CFAP54: variants seen among roughly 807,000 people sequenced by gnomAD.
CFAP54 encodes cilia- and flagella-associated protein 54.
In CFAP54, 290 loss-of-function variants were observed where a neutral mutation model predicts 370.4. The ratio of observed to expected loss-of-function variants is 0.78; its 90% CI spans 0.71 to 0.86. The LOEUF (loss-of-function observed/expected upper bound fraction) is 0.86. Among genes scored for constraint, CFAP54 ranks in the 40% least tolerant of loss-of-function variants. The pLI is 0.00. For synonymous variants in CFAP54, 1,206 were observed against 1,236.5 expected, an observed-to-expected ratio of 0.98 and a Z score of 0.52; for missense variants, 3,399 against 3,528.7, an observed-to-expected ratio of 0.96 and a Z score of 0.93.
chr12:96,571,272 G>A (rs1056287675), intron 19 of CFAP54, among the ~76,000 whole-genome samples: 3 of 152,146 alleles, frequency 2.0e-5, no homozygotes, highest in African/African-American at 4.8e-5. Flanking sequence ...GAAACTATAC[G>A]CAGAGAAATT....
chr12:96,702,982 TA>T (rs915909763), intron 46 of CFAP54, among the ~76,000 whole-genome samples: 4 of 152,200 alleles, frequency 2.6e-5, no homozygotes, highest in Non-Finnish European at 4.4e-5. Flanking sequence ...GTCCCATTAT[TA>T]AACTCTCTTT....
intron 63 of CFAP54, among the ~76,000 whole-genome samples, chr12:96,792,980 T>C (rs963165158): frequency 2.6e-5 from 4 of 152,166 alleles, no homozygotes; most frequent in African/African-American, 9.6e-5. Flanking sequence ...TTGCTATTAT[T>C]TGTATTAAAT....
rs573950206 is a variant in CFAP54, at chr12:96,579,368, A to G, written c.2797-1229A>G. On this transcript the variant is annotated intron_variant, in intron 20 of 67. Transcript: ENST00000524981. ...AGAAATTCTAATTCATTGAAGCTAG[A>G]CAGGCTTGGGTATCTGTAATTTACA... is the stretch of plus-strand genomic sequence containing the variant. Among the ~76,000 whole-genome samples the G allele has an allele frequency of 5.3e-4, 80 of 152,310 alleles. 1 individual carries two copies. Among genetic ancestry groups the G allele is most frequent in the African/African-American group, 1.8e-3 (76 of 41,572 alleles).
At chr12:96,828,773 T>A (rs1959156262) in intron 65 of CFAP54, among the ~76,000 whole-genome samples, 2 of 152,202 alleles carry the variant, frequency 1.3e-5, no homozygotes, top group Non-Finnish European at 1.5e-5. Context: ...AGAAAAGTAA[T>A]TTTTCAAAAT....
intron 6 of CFAP54, among the ~76,000 whole-genome samples, chr12:96,521,531 TGTGTGTGTGTGTGTGTGC>T (rs1477416401): frequency 4.0e-5 from 5 of 125,368 alleles, no homozygotes; most frequent in East Asian, 2.5e-4. Context: ...TGTGTGTGTG[TGTGTGTGTGTGTGTGTGC>T]GCGTGCGCAC....
chr12:96,718,804 C>T (rs894213369), intron 49 of CFAP54, among the ~76,000 whole-genome samples: 18 of 152,108 alleles, frequency 1.2e-4, no homozygotes, highest in African/African-American at 3.6e-4. Flanking sequence ...TTTGGGAGGC[C>T]GAGGTGGGCG....
At chr12:96,680,297 C>A (rs1280683711) in intron 40 of CFAP54, among the ~76,000 whole-genome samples, 1 of 152,134 alleles carries the variant, frequency 6.6e-6, no homozygotes, top group Non-Finnish European at 1.5e-5. Flanking sequence ...CTTGTAACAT[C>A]TATCTGCTTG....
intron 50 of CFAP54, 122 bp from the exon 51 acceptor site, chr12:96,739,834 A>T: frequency 3.4e-6 from 2 of 593,374 alleles, no homozygotes; most frequent in Non-Finnish European, 5.8e-6. Flanking sequence ...ATGGCACCTA[A>T]CAGTTTTGGG....
In CFAP54 at chr12:96,786,686, C is replaced by T. The variant is rs758838474; in HGVS notation, c.8467C>T (p.Pro2823Ser). The change falls in exon 62 of 68, where the codon CCA becomes TCA. Residue 2823 changes from proline to serine, a missense_variant. This residue lies in a region of CFAP54 where 2,796 missense variants were observed against 2,869.7 expected (regional missense o/e 0.97). Coordinates refer to ENST00000524981, the MANE Select transcript of CFAP54 (RefSeq NM_001306084.2). ...TTTTCTTTCTTAAGCATCTGCAACA[C>T]CAGTATCTGGAATTTCTTTGCCAGA... ...NLSKLLASAT[P>S]VSGISLPDDT... 1 of 1,531,138 alleles carries T rather than the reference C, an allele frequency of 6.5e-7. No individual in the cohort carries two copies. The highest frequency in any genetic ancestry group is 1.2e-5 in the South Asian group (1 of 83,188). 94.8% of individuals were successfully genotyped at this position (1,531,138 alleles called of 1,614,324 possible).
rs530493437 is a variant in CFAP54 at position 96,873,983 on chromosome 12, CTT to C, written c.*15-1132_*15-1131del. Among the ~76,000 whole-genome samples the C allele has an allele frequency of 1.9e-4, 29 of 152,258 alleles. 1 individual carries two copies. In the South Asian group the frequency reaches 5.8e-3, roughly 31 times the overall value. The stretch of plus-strand genomic sequence containing the variant: ...TTTGGTTCTCCGTAGCATATGTTCT[CTT>C]TTGTCTTCTCCATACTCTCACTCAA... On this transcript the variant is annotated intron_variant, in intron 67 of 67. Coordinates refer to ENST00000524981, the MANE Select transcript of CFAP54 (RefSeq NM_001306084.2).
chr12:96,547,510 A>G (rs1955653010), intron 14 of CFAP54, among the ~76,000 whole-genome samples: 1 of 152,162 alleles, frequency 6.6e-6, no homozygotes, highest in Non-Finnish European at 1.5e-5. Context: ...AATGGACCTT[A>G]TAGAATATAG....
intron 63 of CFAP54, among the ~76,000 whole-genome samples, chr12:96,803,701 A>C (rs1327183052): frequency 6.6e-6 from 1 of 152,168 alleles, no homozygotes; most frequent in Non-Finnish European, 1.5e-5. Context: ...AAAATAGCCT[A>C]CTCAACCAAC....
In CFAP54 at chr12:96,821,579, A is replaced by G. The variant is rs140627777; in HGVS notation, c.9096+3666A>G. ...TATATATGGAAGAATATCACCAGAC[A>G]GAAGGAACACTAATATTCGTTTAGG... On this transcript the variant is annotated intron_variant, in intron 65 of 67. Transcript: ENST00000524981. Among the ~76,000 whole-genome samples, 542 of 152,310 alleles carry G rather than the reference A, an allele frequency of 3.6e-3. 4 individuals are homozygous for G. Among genetic ancestry groups the G allele is most frequent in the African/African-American group, 0.012 (512 of 41,578 alleles).
chr12:96,633,269 A>T, intron 32 of CFAP54, among the ~76,000 whole-genome samples: 1 of 152,230 alleles, frequency 6.6e-6, no homozygotes, highest in East Asian at 1.9e-4. Context: ...TTGTTGTAAC[A>T]TGCATATTTA....
At chr12:96,805,151 C>T (rs1401466822) in intron 63 of CFAP54, among the ~76,000 whole-genome samples, 3 of 151,432 alleles carry the variant, frequency 2.0e-5, no homozygotes. Context: ...AACAAGAAAA[C>T]CTAAAAAATT....
intron 48 of CFAP54, among the ~76,000 whole-genome samples, chr12:96,715,596 C>A (rs947672667): frequency 4.6e-5 from 7 of 152,042 alleles, no homozygotes; most frequent in Non-Finnish European, 7.4e-5. Context: ...AATATTAGTA[C>A]TTTTGTCTGT....
chr12:96,679,747 C>T lies in CFAP54; in HGVS notation c.5711C>T (p.Thr1904Ile), dbSNP rs751641554. 1.2e-6 allele frequency: 2 copies of T among 1,612,168 alleles called. No homozygotes were observed. Among genetic ancestry groups the T allele is most frequent in the African/African-American group, 2.7e-5 (2 of 74,852 alleles). ...RKLLSLFLAQ[T>I]QDVLQASNQR... ...TTGCTTTCATTATTTCTTGCACAGA[C>T]ACAAGGTAAAATGCATGTTCTGTAT... The change falls in exon 40 of 68, where the codon ACA becomes ATA. Residue 1904 changes from threonine (T) to isoleucine (I), a missense_variant. By Grantham distance (89) the Thr-to-Ile change is moderately conservative. Coordinates refer to ENST00000524981, the MANE Select transcript of CFAP54 (RefSeq NM_001306084.2).
chr12:96,680,437 T>C (rs1259846914), intron 40 of CFAP54, among the ~76,000 whole-genome samples: 1 of 152,204 alleles, frequency 6.6e-6, no homozygotes, highest in Non-Finnish European at 1.5e-5. Flanking sequence ...AATCCTGTTT[T>C]ATATTTATGA....
chr12:96,583,364 C>T (rs1956048763), intron 22 of CFAP54, among the ~76,000 whole-genome samples: 1 of 151,900 alleles, frequency 6.6e-6, no homozygotes, highest in South Asian at 2.1e-4. Flanking sequence ...TGATCTTGAC[C>T]TTGGAGACTG....
Sources: allele counts gnomAD v4.1 joint callset (sites outside exome capture counted in the v4.1 genomes callset), GRCh38; gene constraint gnomAD v4.1.1; regional missense constraint gnomAD v4.1.1; transcripts MANE v1.5; gene names NCBI Gene and HGNC (gene_info 2026-07-23, HGNC 2026-07-21).